USP18: variants seen among roughly 807,000 people sequenced by gnomAD.
USP18 encodes the protein ubiquitin specific peptidase 18, also known as ubl carboxyl-terminal hydrolase 18.
Under a neutral mutation model 48.7 loss-of-function variants are expected in USP18, and 11 were observed. The observed-to-expected ratio is 0.23, with a 90% CI of 0.14 to 0.37. The LOEUF (loss-of-function observed/expected upper bound fraction) is 0.37. Among genes scored for constraint, USP18 ranks in the 10% least tolerant of loss-of-function variants. The pLI is 1.00. For synonymous variants in USP18, 114 were observed against 163.2 expected, an observed-to-expected ratio of 0.70 and a Z score of 2.30; for missense variants, 285 against 436.4, an observed-to-expected ratio of 0.65 and a Z score of 3.09.
At chr22:18,151,874 G>C (rs1053092669) in intron 1 of USP18, among the ~76,000 whole-genome samples, 1 of 152,068 alleles carries the variant, frequency 6.6e-6, no homozygotes, top group Non-Finnish European at 1.5e-5. Context: ...AGCTAACACG[G>C]TGCAAACCCA....
rs760174417 is a variant in USP18, at chr22:18,167,331, C to G, written c.477C>G (p.His159Gln). 1 of 1,613,832 alleles carries G rather than the reference C, an allele frequency of 6.2e-7. No homozygotes were observed. Among genetic ancestry groups the G allele is most frequent in the South Asian group, 1.1e-5 (1 of 91,060 alleles). Residue 159 changes from histidine (H) to glutamine (Q), a missense_variant, in exon 5 of 11, where the codon CAC (histidine) becomes CAG (glutamine). His to Gln is a conservative substitution (Grantham distance 24). This residue lies in a region of USP18 where 199 missense variants were observed against 239.6 expected (regional missense o/e 0.83). Coordinates refer to ENST00000215794, the MANE Select transcript of USP18 (RefSeq NM_017414.4). Reference protein sequence around the residue: ...NLIKDQITDVHLVERLQALYT... With the variant: ...NLIKDQITDVQLVERLQALYT... The stretch of plus-strand genomic sequence containing the variant: ...TTAAGGACCAGATCACTGATGTGCA[C>G]TTGGTAAGAACCTAGAACCAGAGCA...
chr22:18,164,677 G>A (rs781380419), intron 4 of USP18, among the ~76,000 whole-genome samples: 2 of 152,168 alleles, frequency 1.3e-5, no homozygotes, highest in Non-Finnish European at 2.9e-5. Context: ...TGGCATTTCT[G>A]CCTGTTTGCT....
At chr22:18,169,364 C>G (rs905923943) in intron 6 of USP18, among the ~76,000 whole-genome samples, 1 of 152,164 alleles carries the variant, frequency 6.6e-6, no homozygotes, top group Non-Finnish European at 1.5e-5. Flanking sequence ...CACCTGAGGT[C>G]AGGAGTTTGA....
chr22:18,161,815 G>A lies in USP18; in HGVS notation c.280G>A (p.Glu94Lys), dbSNP rs780055080. 3.2e-5 allele frequency: 52 copies of A among 1,607,756 alleles called. No individual in the cohort carries two copies. Among genetic ancestry groups the A allele is most frequent in the South Asian group, 2.0e-4 (18 of 90,012 alleles). Reference protein sequence around the residue: ...KRITVPRGADEQRRSVPFQML... With the variant: ...KRITVPRGADKQRRSVPFQML... ...GATCACGGTGCCCAGGGGAGCTGACGAGCAGAGGAGAAGCGTCCCTTTCCA... is the reference window on the plus strand; with the variant it reads ...GATCACGGTGCCCAGGGGAGCTGACAAGCAGAGGAGAAGCGTCCCTTTCCA... Residue 94 changes from glutamate to lysine, a missense_variant, in exon 4 of 11, where the codon GAG (glutamate) becomes AAG (lysine). Around this residue, in one of 5 missense-constraint regions of USP18, gnomAD observed 199 missense variants for 239.6 expected, o/e 0.83. Coordinates refer to ENST00000215794, the MANE Select transcript of USP18 (RefSeq NM_017414.4).
At chr22:18,155,792 G>C (rs532689872) in intron 1 of USP18, among the ~76,000 whole-genome samples, 1 of 152,220 alleles carries the variant, frequency 6.6e-6, no homozygotes, top group Admixed American at 6.5e-5. Context: ...GCTCCTGTGC[G>C]GACCAAGCCT....
rs148871870 is a variant in USP18 at position 18,163,755 on chromosome 22, C to T, written c.400+1820C>T. ...TTACCAATTAGCCCTGCCGGACACT[C>T]GGAGCACCTGTTGACCCTTTGTGTT... On this transcript the variant is annotated intron_variant, in intron 4 of 10. Coordinates refer to ENST00000215794, the MANE Select transcript of USP18 (RefSeq NM_017414.4). Among the ~76,000 whole-genome samples, 330 of 152,306 alleles carry T rather than the reference C, an allele frequency of 2.2e-3. 1 individual carries two copies. The highest frequency in any genetic ancestry group is 7.6e-3 in the African/African-American group (317 of 41,572).
intron 3 of USP18, among the ~76,000 whole-genome samples, chr22:18,160,581 C>T (rs1295250084): frequency 6.6e-6 from 1 of 152,130 alleles, no homozygotes; most frequent in Admixed American, 6.5e-5. Flanking sequence ...GAATTATAGG[C>T]GTAAGCCACT....
intron 1 of USP18, among the ~76,000 whole-genome samples, chr22:18,152,053 CAAAAAT>C (rs979948992): frequency 9.3e-5 from 14 of 151,206 alleles, no homozygotes; most frequent in African/African-American, 1.9e-4. Context: ...GACTCCGTCT[CAAAAAT>C]AAAAATAAAA....
At position 18,167,281 on chromosome 22, in the gene USP18, C is replaced by T. The variant is rs761283038; in HGVS notation, c.427C>T (p.Leu143=). The T allele has an allele frequency of 1.9e-6, 3 of 1,613,866 alleles. No homozygotes were observed. Among genetic ancestry groups the T allele is most frequent in the South Asian group, 1.1e-5 (1 of 91,062 alleles). ...GTTTGTCCAACATGATGCTGCCCAACTGTACCTCAAACTCTGGAACCTGAT... is the reference window on the plus strand; with the variant it reads ...GTTTGTCCAACATGATGCTGCCCAATTGTACCTCAAACTCTGGAACCTGAT... The part of the protein sequence containing the change: ...PLFVQHDAAQ[L]YLKLWNLIKD... Residue 143 remains leucine, a synonymous_variant, in exon 5 of 11, where the codon CTG becomes TTG. Transcript: ENST00000215794.
At chr22:18,169,438 G>A (rs1413981056) in intron 6 of USP18, among the ~76,000 whole-genome samples, 3 of 152,232 alleles carry the variant, frequency 2.0e-5, no homozygotes, top group African/African-American at 7.2e-5. Context: ...TTAGCTGGGC[G>A]TGGTGGCGCA....
chr22:18,157,438 G>A (rs900903247), intron 1 of USP18, 120 bp from the exon 2 acceptor site: 5 of 552,760 alleles, frequency 9.0e-6, no homozygotes, highest in Non-Finnish European at 1.6e-5. Context: ...AGAGCTCTAT[G>A]AGTCAGTCTC....
intron 4 of USP18, among the ~76,000 whole-genome samples, chr22:18,166,928 G>A (rs1308805322): frequency 2.0e-5 from 3 of 151,256 alleles, no homozygotes; most frequent in African/African-American, 4.9e-5. Flanking sequence ...TTATCGAGAC[G>A]GAGTCTTGCT....
intron 1 of USP18, among the ~76,000 whole-genome samples, chr22:18,151,211 A>C (rs5992185): frequency 0.4 from 60,418 of 151,846 alleles, 13,125 homozygotes; most frequent in African/African-American, 0.57. Flanking sequence ...TCTTCTTCAC[A>C]CCCTTTTCCT....
chr22:18,169,313 G>A (rs1420336281), intron 6 of USP18, among the ~76,000 whole-genome samples: 2 of 152,108 alleles, frequency 1.3e-5, no homozygotes, highest in South Asian at 2.1e-4. Context: ...GGTAACTCAC[G>A]CCCATAATCC....
chr22:18,173,001 C>T lies in USP18; in HGVS notation c.892-149C>T, dbSNP rs183707110. The T allele has an allele frequency of 6.1e-4, 899 of 1,462,022 alleles. 19 individuals carry two copies. The African/African-American group carries it at 0.011, about 18-fold the overall frequency. The allele number at this position is 1,462,022 out of a possible 1,614,324, so 90.6% of individuals were successfully genotyped here. Reference sequence around the variant, plus strand: ...TCAGGATCCACACTCGGGAAAGCCCCTCCTGGAGGGTGCCCACTGGCTGTG... The same window carrying T: ...TCAGGATCCACACTCGGGAAAGCCCTTCCTGGAGGGTGCCCACTGGCTGTG... On this transcript the variant is annotated intron_variant, in intron 8 of 10. Coordinates refer to ENST00000215794, the MANE Select transcript of USP18 (RefSeq NM_017414.4).
At chr22:18,152,798 T>C (rs1929033467) in intron 1 of USP18, among the ~76,000 whole-genome samples, 1 of 152,190 alleles carries the variant, frequency 6.6e-6, no homozygotes, top group Admixed American at 6.5e-5. Flanking sequence ...AAGGCTGCTG[T>C]ATTTTGTTTC....
chr22:18,166,602 G>A lies in USP18; in HGVS notation c.401-653G>A, dbSNP rs1380035765. Among the ~76,000 whole-genome samples the A allele has an allele frequency of 2.6e-5, 4 of 151,776 alleles. No homozygotes were observed. In the East Asian group the frequency reaches 5.8e-4, roughly 22 times the overall value. On this transcript the variant is annotated intron_variant, in intron 4 of 10. Coordinates refer to ENST00000215794, the MANE Select transcript of USP18 (RefSeq NM_017414.4). ...GGTTTGTTGTTGTTGCTGTTTTATC[G>A]TTTCTGGGCAGTTCATGATTCTGTA...
chr22:18,154,882 G>T (rs1206117542), intron 1 of USP18, among the ~76,000 whole-genome samples: 3 of 152,160 alleles, frequency 2.0e-5, no homozygotes, highest in Non-Finnish European at 2.9e-5. Flanking sequence ...AGTCTTCATT[G>T]CCTGGCTTTG....
At position 18,161,814 on chromosome 22, in the gene USP18, C is replaced by T. The variant is rs756232488; in HGVS notation, c.279C>T (p.Asp93=). The stretch of plus-strand genomic sequence containing the variant: ...GGATCACGGTGCCCAGGGGAGCTGA[C>T]GAGCAGAGGAGAAGCGTCCCTTTCC... ...LKRITVPRGA[D]EQRRSVPFQM... The change falls in exon 4 of 11, where the codon GAC becomes GAT. Residue 93 remains aspartate (D), a synonymous_variant. Coordinates refer to ENST00000215794, the MANE Select transcript of USP18 (RefSeq NM_017414.4). 2.1e-5 allele frequency: 34 copies of T among 1,606,666 alleles called. No individual in the cohort carries two copies. Among genetic ancestry groups the T allele is most frequent in the Middle Eastern group, 3.4e-4 (2 of 5,930 alleles).
Sources: gnomAD v4.1 joint callset for allele counts (sites outside exome capture counted in the v4.1 genomes callset) on GRCh38, gnomAD v4.1.1 for gene constraint, gnomAD v4.1.1 regional missense constraint, MANE v1.5 for transcripts, NCBI Gene and HGNC (gene_info 2026-07-23, HGNC 2026-07-21) for gene names.